Variants in JAKMIP3 observed in about 807,000 individuals in gnomAD.
The protein encoded by JAKMIP3 is Janus kinase and microtubule interacting protein 3.
Under a neutral mutation model 118.5 loss-of-function variants are expected in JAKMIP3, and 58 were observed. The ratio of observed to expected loss-of-function variants is 0.49; its 90% CI spans 0.40 to 0.61. The LOEUF is 0.61. Among genes scored for constraint, JAKMIP3 ranks in the 20% least tolerant of loss-of-function variants. The pLI, the probability that JAKMIP3 is intolerant of heterozygous loss-of-function variation, is 0.00. For missense variants in JAKMIP3, 950 were observed against 1,109.0 expected, an observed-to-expected ratio of 0.86 and a Z score of 2.04; for synonymous variants, 486 against 451.2, an observed-to-expected ratio of 1.08 and a Z score of -0.98.
At chr10:132,130,672 A>G (rs2135631585) in intron 3 of JAKMIP3, among the ~76,000 whole-genome samples, 1 of 152,322 alleles carries the variant, frequency 6.6e-6, no homozygotes, top group Middle Eastern at 3.4e-3. Context: ...AGGCGTGGTC[A>G]GCCCAGGTTG....
chr10:132,181,400 C>G (rs2061453944), intron 23 of JAKMIP3: 1 of 152,118 alleles, frequency 6.6e-6, no homozygotes, highest in African/African-American at 2.4e-5. Context: ...GTCCAGATCC[C>G]CGGCCCTTCT....
At position 132,049,659 on chromosome 10, in the gene JAKMIP3, T is replaced by G. The variant is rs1339787635; in HGVS notation, c.-138+12921T>G. ...TTTCTTCTGCCTTGTGTTTTTTCTT[T>G]TTTAAAAGTGGGGGAGGTCTCACTA... is the stretch of plus-strand genomic sequence containing the variant. On this transcript the variant is annotated intron_variant, in intron 1 of 23. Transcript: ENST00000657785. The surrounding 1 kb of genome is among the most constrained non-coding windows in gnomAD (Gnocchi z 4.3). Among the ~76,000 whole-genome samples, 3 of 152,150 alleles carry G rather than the reference T, an allele frequency of 2.0e-5. No homozygotes were observed. The highest frequency in any genetic ancestry group is 1.3e-4 in the Admixed American group (2 of 15,274).
At chr10:132,141,231 T>C (rs2053452277) in intron 10 of JAKMIP3, among the ~76,000 whole-genome samples, 1 of 152,154 alleles carries the variant, frequency 6.6e-6, no homozygotes, top group African/African-American at 2.4e-5. Context: ...CATAGACCTG[T>C]TGAGGGATCT....
intron 1 of JAKMIP3, among the ~76,000 whole-genome samples, chr10:132,101,513 A>G (rs1301808287): frequency 6.6e-6 from 1 of 152,212 alleles, no homozygotes. Context: ...TGCTTCATCT[A>G]TTTTAAATAG....
rs1444455260 is a variant in JAKMIP3 at position 132,117,850 on chromosome 10, C to T, written c.633+276C>T. Among the ~76,000 whole-genome samples, 1 of 152,164 alleles carries T rather than the reference C, an allele frequency of 6.6e-6. No individual in the cohort carries two copies. The highest frequency in any genetic ancestry group is 1.5e-5 in the Non-Finnish European group (1 of 68,028). ...TCTCACCTCCCCTTTTCCACAAACA[C>T]CAGCTCTACTTCCTTTCTTAACTTG... On this transcript the variant is annotated intron_variant, in intron 3 of 23. Transcript: ENST00000684848. This position sits in a 1 kb window ranked among gnomAD's most constrained non-coding sequence, Gnocchi z 8.6.
upstream of JAKMIP3, among the ~76,000 whole-genome samples, chr10:132,064,014 G>A (rs1292832505): frequency 1.3e-5 from 2 of 152,168 alleles, no homozygotes; most frequent in East Asian, 3.8e-4. The surrounding 1 kb of genome is among the most constrained non-coding windows in gnomAD (Gnocchi z 4.4). Context: ...TTTTATGGCT[G>A]ACTTTAAAAA....
At chr10:132,084,720 T>C (rs988109853) in intron 1 of JAKMIP3, among the ~76,000 whole-genome samples, 1 of 152,242 alleles carries the variant, frequency 6.6e-6, no homozygotes, top group African/African-American at 2.4e-5. Context: ...TTGTCATAGA[T>C]GGCTTTTAAT....
chr10:132,163,041 C>T (rs924835388), intron 19 of JAKMIP3, among the ~76,000 whole-genome samples, 168 bp from the exon 20 acceptor site: 7 of 152,228 alleles, frequency 4.6e-5, no homozygotes, highest in African/African-American at 9.6e-5. Flanking sequence ...TGGGGAGGTC[C>T]GTGGGGCCCC....
chr10:132,172,828 G>T (rs1178170788), intron 23 of JAKMIP3, among the ~76,000 whole-genome samples: 1 of 151,712 alleles, frequency 6.6e-6, no homozygotes, highest in Non-Finnish European at 1.5e-5. Context: ...GGACCTGGGT[G>T]TGCTTGTTGC....
At chr10:132,088,166 A>T (rs1394629677) in intron 1 of JAKMIP3, among the ~76,000 whole-genome samples, 1 of 152,066 alleles carries the variant, frequency 6.6e-6, no homozygotes, top group East Asian at 1.9e-4. Context: ...CGCAGTAAAC[A>T]TATGTGTGCA....
At chr10:132,120,118 G>A (rs1041836866) in intron 3 of JAKMIP3, among the ~76,000 whole-genome samples, 9 of 152,190 alleles carry the variant, frequency 5.9e-5, no homozygotes, top group African/African-American at 2.2e-4. Context: ...TCCAATACAA[G>A]GACAGTCAGA....
At chr10:132,139,462 ATG>A (rs1208670725) in intron 9 of JAKMIP3, among the ~76,000 whole-genome samples, 4 of 116,478 alleles carry the variant, frequency 3.4e-5, no homozygotes, top group African/African-American at 7.3e-5. Context: ...ATGTGTCTGC[ATG>A]TGTGTATGTG....
intron 1 of JAKMIP3, among the ~76,000 whole-genome samples, chr10:132,076,703 G>T (rs999628285): frequency 2.0e-5 from 3 of 151,194 alleles, no homozygotes; most frequent in Non-Finnish European, 4.4e-5. Flanking sequence ...GTGGCCCCGG[G>T]TCTTACCGTG....
At chr10:132,070,809 C>G (rs2039717333) in intron 1 of JAKMIP3, among the ~76,000 whole-genome samples, 1 of 152,234 alleles carries the variant, frequency 6.6e-6, no homozygotes, top group Non-Finnish European at 1.5e-5. Flanking sequence ...GGAGCAAACT[C>G]AGGAAGAGAG....
rs113969516 is a variant in JAKMIP3, at chr10:132,130,722, G to A, written c.634-2590G>A. ...TGCCAGTGACCATGCTGGGGGTGAT[G>A]ACGTGGCCTGTGTAGTGAGCATGCT... On this transcript the variant is annotated intron_variant, in intron 3 of 23. Coordinates refer to ENST00000684848, the MANE Select transcript of JAKMIP3 (RefSeq NM_001323087.2). Among the ~76,000 whole-genome samples the A allele has an allele frequency of 1.3e-3, 198 of 152,362 alleles. 2 individuals carry two copies. Among genetic ancestry groups the A allele is most frequent in the African/African-American group, 4.5e-3 (189 of 41,572 alleles).
chr10:132,070,013 G>A (rs375629775), intron 1 of JAKMIP3, among the ~76,000 whole-genome samples: 12 of 152,294 alleles, frequency 7.9e-5, no homozygotes, highest in African/African-American at 1.9e-4. Flanking sequence ...GCAGGTGGCC[G>A]GTGGCATCAG....
intron 4 of JAKMIP3, among the ~76,000 whole-genome samples, chr10:132,134,243 C>T (rs1051529113): frequency 3.3e-5 from 5 of 152,196 alleles, no homozygotes; most frequent in African/African-American, 1.2e-4. Context: ...GAATGAGGAA[C>T]TCGAGTCGGG....
rs376874806 is a variant in JAKMIP3, at chr10:132,046,523, G to A, written c.-138+9785G>A. Among the ~76,000 whole-genome samples the A allele has an allele frequency of 4.0e-5, 6 of 151,882 alleles. No homozygotes were observed. The East Asian group carries it at 1.2e-3, about 29-fold the overall frequency. On this transcript the variant is annotated intron_variant, in intron 1 of 23. Coordinates refer to the JAKMIP3 transcript ENST00000657785. Reference sequence around the variant, plus strand: ...CCTGGCTTTCTGTTCTCAGCATCGCGTCTTGGGTCTTCCATTTCTGTGTGT... The same window carrying A: ...CCTGGCTTTCTGTTCTCAGCATCGCATCTTGGGTCTTCCATTTCTGTGTGT...
Position 132,184,296 on chromosome 10 carries a change from G to A in JAKMIP3, c.*3043G>A, listed in dbSNP as rs2061688126. On this transcript the variant is annotated 3_prime_UTR_variant, in exon 24 of 24. Coordinates refer to ENST00000684848, the MANE Select transcript of JAKMIP3 (RefSeq NM_001323087.2). ...CTGTAGCCTTCAGGATACCCCGAGT[G>A]CCTTACAGGGCTTGTGAACACCGAT... is the stretch of plus-strand genomic sequence containing the variant. 1 of 152,204 alleles carries A rather than the reference G, an allele frequency of 6.6e-6. No homozygotes were observed. Among genetic ancestry groups the A allele is most frequent in the South Asian group, 2.1e-4 (1 of 4,824 alleles). 9.4% of individuals were successfully genotyped at this position (152,204 alleles called of 1,614,324 possible).
Sources: gnomAD v4.1 joint callset for allele counts (sites outside exome capture counted in the v4.1 genomes callset) on GRCh38, gnomAD v4.1.1 for gene constraint, Gnocchi (gnomAD v3.1) non-coding constraint, MANE v1.5 for transcripts, NCBI Gene and HGNC (gene_info 2026-07-23, HGNC 2026-07-21) for gene names.